PCDHGA6: variants seen among roughly 807,000 people sequenced by gnomAD.
PCDHGA6 encodes the protein protocadherin gamma subfamily A, 6.
In PCDHGA6, 41 loss-of-function variants were observed where a neutral mutation model predicts 60.6. That is an observed-to-expected ratio of 0.68 (90% confidence interval 0.53 to 0.88). The LOEUF is 0.88. Ranked by LOEUF, PCDHGA6 falls within the 40% of genes least tolerant of loss-of-function variation. The probability of loss-of-function intolerance (pLI) is 0.00; values close to 1 mark genes in which losing one functional copy is unlikely to be tolerated. For missense variants in PCDHGA6, 1,312 were observed against 1,203.0 expected (o/e 1.09, Z -1.34); for synonymous variants, 594 against 524.4 (o/e 1.13, Z -1.81).
At chr5:141,457,412 C>A (rs2098919309) in intron 1 of PCDHGA6, among the ~76,000 whole-genome samples, 1 of 152,188 alleles carries the variant, frequency 6.6e-6, no homozygotes. Flanking sequence ...TCACATTACC[C>A]ATCCCTTTTT....
chr5:141,410,224 C>T, intron 1 of PCDHGA6: 2 of 1,614,028 alleles, frequency 1.2e-6, no homozygotes, highest in Non-Finnish European at 8.5e-7. Context: ...TACTGCCAGA[C>T]CTCAGCGACC....
Position 141,393,456 on chromosome 5 carries a change from T to A in PCDHGA6, c.2424+16949T>A. ...TGCTCACCACCTGGTCCTCACGGCC[T>A]CGGATGGCGGCAAGCCGCCTCGCTC... On this transcript the variant is annotated intron_variant, in intron 1 of 3. Coordinates refer to ENST00000517434, the MANE Select transcript of PCDHGA6 (RefSeq NM_018919.3). 1 of 1,614,026 alleles carries A rather than the reference T, an allele frequency of 6.2e-7. No individual in the cohort carries two copies. Among genetic ancestry groups the A allele is most frequent in the African/African-American group, 1.3e-5 (1 of 75,058 alleles).
At chr5:141,422,333 T>C in intron 1 of PCDHGA6, 1 of 1,549,594 alleles carries the variant, frequency 6.5e-7, no homozygotes, top group Non-Finnish European at 8.7e-7. Flanking sequence ...GTGATTGCTC[T>C]TCTAAATGTG....
Position 141,486,912 on chromosome 5 carries a change from T to C in PCDHGA6, c.2425-7895T>C. The stretch of plus-strand genomic sequence containing the variant: ...CCTGGTTCCTTATGTCCCCAAGCAC[T>C]GCCTCCATCAGTTGGTGCTGGCCAC... On this transcript the variant is annotated intron_variant, in intron 1 of 3. Coordinates refer to ENST00000517434, the MANE Select transcript of PCDHGA6 (RefSeq NM_018919.3). This position sits in a 1 kb window ranked among gnomAD's most constrained non-coding sequence, Gnocchi z 5.0. The C allele has an allele frequency of 1.2e-6, 2 of 1,614,246 alleles. No homozygotes were observed. Among genetic ancestry groups the C allele is most frequent in the Non-Finnish European group, 1.7e-6 (2 of 1,180,040 alleles).
intron 1 of PCDHGA6, chr5:141,408,371 A>C (rs2095092452): frequency 6.2e-7 from 1 of 1,613,848 alleles, no homozygotes; most frequent in Non-Finnish European, 8.5e-7. Flanking sequence ...TCTAGGGCTC[A>C]GTGTCCTGGA....
At chr5:141,427,722 G>C (rs755543438) in intron 1 of PCDHGA6, 7 of 1,120,986 alleles carry the variant, frequency 6.2e-6, no homozygotes, top group Non-Finnish European at 9.3e-6. Context: ...CCTGGACCTA[G>C]GGCTGAATGG....
At chr5:141,441,638 G>A (rs1456506194) in intron 1 of PCDHGA6, 2 of 226,008 alleles carry the variant, frequency 8.8e-6, no homozygotes, top group Non-Finnish European at 1.8e-5. Flanking sequence ...AGCCACAGGC[G>A]CTGTGATTCT....
In PCDHGA6 at chr5:141,476,321, G is replaced by GT; in HGVS notation, c.2425-18485dup. ...CCTCTCAGCCCGCAGGTTCCGGGTG[G>GT]TGTCTGGAGCTAGCCGAAGATTCTT... On this transcript the variant is annotated intron_variant, in intron 1 of 3. Coordinates refer to ENST00000517434, the MANE Select transcript of PCDHGA6 (RefSeq NM_018919.3). The surrounding 1 kb of genome is among the most constrained non-coding windows in gnomAD (Gnocchi z 7.6). The GT allele has an allele frequency of 6.2e-7, 1 of 1,614,196 alleles. No individual in the cohort carries two copies. Among genetic ancestry groups the GT allele is most frequent in the Non-Finnish European group, 8.5e-7 (1 of 1,180,050 alleles).
Position 141,487,591 on chromosome 5 carries a change from C to G in PCDHGA6, c.2425-7216C>G, listed in dbSNP as rs2099653282. The G allele has an allele frequency of 1.2e-6, 2 of 1,614,176 alleles. No individual in the cohort carries two copies. The highest frequency in any genetic ancestry group is 1.7e-6 in the Non-Finnish European group (2 of 1,180,036). ...AGCCTGTTCGCCCAAGCTGCCCACC[C>G]TCTGATCTTCTCTATGGGCTAGAGG... is the stretch of plus-strand genomic sequence containing the variant. On this transcript the variant is annotated intron_variant, in intron 1 of 3. Coordinates refer to ENST00000517434, the MANE Select transcript of PCDHGA6 (RefSeq NM_018919.3). The surrounding 1 kb of genome is among the most constrained non-coding windows in gnomAD (Gnocchi z 5.0).
At chr5:141,422,849 C>T in intron 1 of PCDHGA6, 1 of 1,614,238 alleles carries the variant, frequency 6.2e-7, no homozygotes, top group Non-Finnish European at 8.5e-7. Context: ...AGCGGGGACC[C>T]GCCCCTCAGC....
At position 141,380,161 on chromosome 5, in the gene PCDHGA6, A is replaced by G. The variant is rs552815003; in HGVS notation, c.2424+3654A>G. Among the ~76,000 whole-genome samples, 14 of 152,240 alleles carry G rather than the reference A, an allele frequency of 9.2e-5. No individual in the cohort carries two copies. In the South Asian group the frequency reaches 1.5e-3, roughly 16 times the overall value. On this transcript the variant is annotated intron_variant, in intron 1 of 3. Transcript: ENST00000517434. The stretch of plus-strand genomic sequence containing the variant: ...GTGATCCACCCGCCTCAGCCTCTCA[A>G]AGGGCTGGGATTACAGGCATGAGCC...
intron 1 of PCDHGA6, among the ~76,000 whole-genome samples, chr5:141,480,259 G>A (rs1285833242): frequency 2.0e-5 from 3 of 151,174 alleles, no homozygotes; most frequent in African/African-American, 7.3e-5. Flanking sequence ...AAAAAAATGT[G>A]TTTTCATTAG....
chr5:141,396,654 T>G (rs1489747712), intron 1 of PCDHGA6: 1 of 151,996 alleles, frequency 6.6e-6, no homozygotes, highest in Non-Finnish European at 1.5e-5. Context: ...TAGTAAAAAC[T>G]CGGTATAGGC....
chr5:141,420,613 A>G (rs536307424), intron 1 of PCDHGA6, among the ~76,000 whole-genome samples: 53 of 152,194 alleles, frequency 3.5e-4, no homozygotes, highest in Non-Finnish European at 1.9e-4. Flanking sequence ...CAAGTATTTC[A>G]TCTTCATTTA....
At chr5:141,457,125 C>T (rs1011977795) in intron 1 of PCDHGA6, among the ~76,000 whole-genome samples, 3 of 152,236 alleles carry the variant, frequency 2.0e-5, no homozygotes, top group Admixed American at 6.5e-5. Flanking sequence ...GCAATGGAAA[C>T]TCTGTCCAAT....
Position 141,477,568 on chromosome 5 carries a change from C to T in PCDHGA6, c.2425-17239C>T, listed in dbSNP as rs2099413139. The T allele has an allele frequency of 6.2e-7, 1 of 1,614,172 alleles. No individual in the cohort carries two copies. The highest frequency in any genetic ancestry group is 1.7e-4 in the Middle Eastern group (1 of 6,060). On this transcript the variant is annotated intron_variant, in intron 1 of 3. Transcript: ENST00000517434. This position sits in a 1 kb window ranked among gnomAD's most constrained non-coding sequence, Gnocchi z 4.9. ...TACTAAACCTAAGTGTCTGGGACCC[C>T]GACGCCCCGCAGAATGCTCGGCTTT...
At chr5:141,418,026 T>A (rs2154547454) in intron 1 of PCDHGA6, 1 of 1,613,962 alleles carries the variant, frequency 6.2e-7, no homozygotes, top group East Asian at 2.2e-5. Context: ...GATCTAGGGC[T>A]TAGTGTCCTG....
chr5:141,417,111 G>A (rs1014827063), intron 1 of PCDHGA6: 13 of 152,012 alleles, frequency 8.6e-5, no homozygotes, highest in African/African-American at 2.7e-4. Context: ...AAGCAATACA[G>A]GACACCCTGG....
In PCDHGA6 at chr5:141,389,513, C is replaced by A. The variant is rs749432491; in HGVS notation, c.2424+13006C>A. 2.5e-6 allele frequency: 4 copies of A among 1,613,038 alleles called. No homozygotes were observed. The Admixed American group carries it at 5.0e-5, about 20-fold the overall frequency. On this transcript the variant is annotated intron_variant, in intron 1 of 3. Coordinates refer to ENST00000517434, the MANE Select transcript of PCDHGA6 (RefSeq NM_018919.3). ...AGGGCTCGCCAGCGCTCAGCGCGAACGTGAGCCTGCGCGTGTTAGTGGACG... is the reference window on the plus strand; with the variant it reads ...AGGGCTCGCCAGCGCTCAGCGCGAAAGTGAGCCTGCGCGTGTTAGTGGACG...
Sources: gnomAD v4.1 joint callset for allele counts (sites outside exome capture counted in the v4.1 genomes callset) on GRCh38, gnomAD v4.1.1 for gene constraint, Gnocchi (gnomAD v3.1) non-coding constraint, MANE v1.5 for transcripts, NCBI Gene and HGNC (gene_info 2026-07-23, HGNC 2026-07-21) for gene names.